The following CEP120 variants were observed in gnomAD, a reference collection of about 807,000 sequenced individuals.
The protein encoded by CEP120 is centrosomal protein 120, also known as centrosomal protein of 120 kDa.
In CEP120, 113 loss-of-function variants were observed where a neutral mutation model predicts 126.5. The observed-to-expected ratio is 0.89, with a 90% CI of 0.77 to 1.04. The LOEUF is 1.04. Ranked by LOEUF, CEP120 falls within the 50% of genes least tolerant of loss-of-function variation. The pLI is 0.00. For synonymous variants in CEP120, 400 were observed against 394.3 expected (o/e 1.01, Z -0.17); for missense variants, 1,230 against 1,155.7 (o/e 1.06, Z -0.93).
chr5:123,386,675 TTAAAAAAAAA>T lies in CEP120; in HGVS notation c.1431-18_1431-9del, dbSNP rs763797338. On this transcript the variant is annotated splice_polypyrimidine_tract_variant and intron_variant, in intron 9 of 19. Coordinates refer to ENST00000306467, the MANE Select transcript of CEP120 (RefSeq NM_001375405.1). ...AAGAATGGATATGAGTACCTAGAAT[TTAAAAAAAAA>T]AAAAAAAAAAAAAGCCTTAATGATA... 21 of 688,328 alleles carry T rather than the reference TTAAAAAAAAA, an allele frequency of 3.1e-5. No homozygotes were observed. Among genetic ancestry groups the T allele is most frequent in the East Asian group, 1.4e-4 (3 of 21,156 alleles). The allele number at this position is 688,328 out of a possible 1,614,324, so 42.6% of individuals were successfully genotyped here.
rs374827894 is a variant in CEP120, at chr5:123,396,985, T to G, written c.612+2151A>C. Among the ~76,000 whole-genome samples the G allele has an allele frequency of 6.6e-5, 10 of 152,326 alleles. 2 individuals are homozygous for G. The highest frequency in any genetic ancestry group is 1.9e-4 in the East Asian group (1 of 5,188). On this transcript the variant is annotated intron_variant, in intron 5 of 19. Coordinates refer to ENST00000306467, the MANE Select transcript of CEP120 (RefSeq NM_001375405.1). Reference sequence around the variant, plus strand: ...TTACACAGTAAGTAATCAATAAATATGAACAATTATGCTTCCCTAAGGAGG... The same window carrying G: ...TTACACAGTAAGTAATCAATAAATAGGAACAATTATGCTTCCCTAAGGAGG...
intron 17 of CEP120, among the ~76,000 whole-genome samples, chr5:123,371,431 A>G (rs902182283): frequency 6.6e-6 from 1 of 152,072 alleles, no homozygotes; most frequent in Non-Finnish European, 1.5e-5. Context: ...ATTCACTATC[A>G]GGAGAACAGC....
chr5:123,390,913 G>T, intron 7 of CEP120, 197 bp downstream of exon 7: 1 of 513,134 alleles, frequency 1.9e-6, no homozygotes, highest in Non-Finnish European at 3.4e-6. Context: ...AGGCTAAGAG[G>T]GCTCTGGGTA....
intron 9 of CEP120, among the ~76,000 whole-genome samples, chr5:123,387,896 A>T (rs957267110): frequency 5.9e-5 from 9 of 152,088 alleles, no homozygotes; most frequent in Non-Finnish European, 1.5e-5. Flanking sequence ...ATGTAGACAC[A>T]TTCCACTTAC....
intron 19 of CEP120, among the ~76,000 whole-genome samples, chr5:123,348,372 C>G (rs903460008): frequency 6.6e-6 from 1 of 152,040 alleles, no homozygotes; most frequent in Non-Finnish European, 1.5e-5. Flanking sequence ...TATATATTTG[C>G]TAAACTAGAA....
At chr5:123,394,807 T>C (rs1487677724) in intron 5 of CEP120, among the ~76,000 whole-genome samples, 4 of 152,264 alleles carry the variant, frequency 2.6e-5, no homozygotes, top group Non-Finnish European at 5.9e-5. Context: ...TATGCACTTA[T>C]AATTGTTACA....
intron 4 of CEP120, among the ~76,000 whole-genome samples, chr5:123,400,616 CAT>C (rs1240190745): frequency 7.2e-6 from 1 of 137,976 alleles, no homozygotes; most frequent in Admixed American, 7.8e-5. Flanking sequence ...CATATATATA[CAT>C]ATATATACAC....
intron 18 of CEP120, among the ~76,000 whole-genome samples, chr5:123,350,496 A>G: frequency 6.6e-6 from 1 of 152,228 alleles, no homozygotes; most frequent in Admixed American, 6.5e-5. Flanking sequence ...GATTGATATT[A>G]GCTGACTATC....
chr5:123,347,087 C>G (rs1580616344), intron 19 of CEP120, among the ~76,000 whole-genome samples: 1 of 152,026 alleles, frequency 6.6e-6, no homozygotes, highest in Admixed American at 6.6e-5. Context: ...TAATATTTTT[C>G]TGTATTTTCA....
chr5:123,382,262 G>T, intron 13 of CEP120, 62 bp from the exon 14 acceptor site: 2 of 889,614 alleles, frequency 2.2e-6, no homozygotes, highest in Non-Finnish European at 3.4e-6. Context: ...AAATGAATCA[G>T]TTGTCAGTTA....
chr5:123,362,907 C>T (rs1163845450), intron 18 of CEP120, among the ~76,000 whole-genome samples: 1 of 151,560 alleles, frequency 6.6e-6, no homozygotes, highest in East Asian at 1.9e-4. Flanking sequence ...AATCCTATCT[C>T]CTTCCCACCC....
chr5:123,421,402 T>G (rs1402854729), intron 1 of CEP120, among the ~76,000 whole-genome samples: 1 of 152,148 alleles, frequency 6.6e-6, no homozygotes, highest in Non-Finnish European at 1.5e-5. Context: ...TTAGGAATAT[T>G]AACACACATC....
intron 17 of CEP120, among the ~76,000 whole-genome samples, chr5:123,371,575 T>C (rs1407188604): frequency 6.6e-6 from 1 of 151,982 alleles, no homozygotes; most frequent in Non-Finnish European, 1.5e-5. Context: ...CCAAAGGAAA[T>C]GCTCACCGGA....
At chr5:123,382,323 TCTAA>T in intron 13 of CEP120, 123 bp from the exon 14 acceptor site, 3 of 351,906 alleles carry the variant, frequency 8.5e-6, no homozygotes, top group African/African-American at 2.4e-5. Context: ...TCTTTTTTAT[TCTAA>T]AAAAAAAAAA....
At position 123,423,029 on chromosome 5, in the gene CEP120, G is replaced by T; in HGVS notation, c.-31C>A. On this transcript the variant is annotated 5_prime_UTR_variant, in exon 1 of 20. Coordinates refer to ENST00000306467, the MANE Select transcript of CEP120 (RefSeq NM_001375405.1). Reference sequence around the variant, plus strand: ...CGGTGAGCGGTCCGGGGGCGAAGGCGGCTGGGGGGAAGTGAGGTCCAGTTG... The same window carrying T: ...CGGTGAGCGGTCCGGGGGCGAAGGCTGCTGGGGGGAAGTGAGGTCCAGTTG... 6.2e-7 allele frequency: 1 copy of T among 1,603,010 alleles called. No homozygotes were observed. The highest frequency in any genetic ancestry group is 8.5e-7 in the Non-Finnish European group (1 of 1,170,366).
chr5:123,409,799 A>C (rs1367878339), intron 4 of CEP120, among the ~76,000 whole-genome samples: 1 of 152,080 alleles, frequency 6.6e-6, no homozygotes, highest in Non-Finnish European at 1.5e-5. Context: ...CTCTACTAAA[A>C]TACAAAAATT....
At chr5:123,347,838 A>G (rs1768944751) in intron 19 of CEP120, among the ~76,000 whole-genome samples, 1 of 152,024 alleles carries the variant, frequency 6.6e-6, no homozygotes, top group African/African-American at 2.4e-5. Context: ...TTGTTTTTAG[A>G]GACGACATTT....
At chr5:123,349,732 CTGG>C (rs1289064004) in intron 19 of CEP120, among the ~76,000 whole-genome samples, 16 of 152,068 alleles carry the variant, frequency 1.1e-4, no homozygotes, top group Non-Finnish European at 2.2e-4. Flanking sequence ...CCTGGAACTC[CTGG>C]GCTCAAACGA....
chr5:123,385,237 G>C, intron 10 of CEP120, 104 bp from the exon 11 acceptor site: 1 of 835,718 alleles, frequency 1.2e-6, no homozygotes, highest in Non-Finnish European at 1.8e-6. Flanking sequence ...GATGTTTTTT[G>C]TTACCTGGAA....
Sources: gnomAD v4.1 joint callset for allele counts (sites outside exome capture counted in the v4.1 genomes callset) on GRCh38, gnomAD v4.1.1 for gene constraint, MANE v1.5 for transcripts, NCBI Gene and HGNC (gene_info 2026-07-23, HGNC 2026-07-21) for gene names.